The following SH2D4B variants were observed in gnomAD, a reference collection of about 807,000 sequenced individuals.
The protein encoded by SH2D4B is SH2 domain-containing protein 4B.
In SH2D4B, 45 loss-of-function variants were observed where a neutral mutation model predicts 61.5. That is an observed-to-expected ratio of 0.73 (90% CI 0.58 to 0.94). The LOEUF (loss-of-function observed/expected upper bound fraction) is 0.94. Among genes scored for constraint, SH2D4B ranks in the 40% least tolerant of loss-of-function variants. SH2D4B has a pLI of 0.00. For missense variants in SH2D4B, 572 were observed against 574.2 expected (o/e 1.00, Z 0.04); for synonymous variants, 224 against 220.4 (o/e 1.02, Z -0.14).
At chr10:80,572,963 TATATATATATATATATATATA>T (rs1842070909) in intron 3 of SH2D4B, among the ~76,000 whole-genome samples, 1 of 9,476 alleles carries the variant, frequency 1.1e-4, no homozygotes, top group Non-Finnish European at 2.1e-4. Flanking sequence ...TATATATATA[TATATATATATATATATATATA>T]TATTTTTTTT....
At chr10:80,585,542 T>C (rs1297317388) in intron 3 of SH2D4B, among the ~76,000 whole-genome samples, 2 of 152,196 alleles carry the variant, frequency 1.3e-5, no homozygotes, top group Non-Finnish European at 2.9e-5. Flanking sequence ...CTCAAACTCC[T>C]GACCTCAGGT....
chr10:80,562,694 C>A lies in SH2D4B; in HGVS notation c.185-7460C>A, dbSNP rs569528564. Among the ~76,000 whole-genome samples the A allele has an allele frequency of 1.7e-4, 26 of 152,084 alleles. No homozygotes were observed. The East Asian group carries it at 4.5e-3, about 26-fold the overall frequency. On this transcript the variant is annotated intron_variant, in intron 1 of 7. Coordinates refer to ENST00000646907, the MANE Select transcript of SH2D4B (RefSeq NM_001388272.1). Reference sequence around the variant, plus strand: ...TTCAATTTGTAATTTTTTTCAGGAACCTTCATACTATTTTCCGCAATAGCT... The same window carrying A: ...TTCAATTTGTAATTTTTTTCAGGAAACTTCATACTATTTTCCGCAATAGCT...
intron 1 of SH2D4B, among the ~76,000 whole-genome samples, chr10:80,559,038 C>T (rs530531349): frequency 6.6e-6 from 1 of 152,070 alleles, no homozygotes; most frequent in Admixed American, 6.5e-5. Flanking sequence ...ATTGTCTTTT[C>T]ATTTCTAATG....
chr10:80,577,988 C>T (rs1228779850), intron 3 of SH2D4B, among the ~76,000 whole-genome samples: 9 of 145,004 alleles, frequency 6.2e-5, no homozygotes, highest in African/African-American at 1.3e-4. Flanking sequence ...TTTTTTTTTT[C>T]GAGACAGGGT....
chr10:80,640,120 C>T (rs1840263757), intron 7 of SH2D4B, among the ~76,000 whole-genome samples: 1 of 152,212 alleles, frequency 6.6e-6, no homozygotes, highest in African/African-American at 2.4e-5. Context: ...TTGGCCCCCA[C>T]TCTCTTCTGG....
In SH2D4B at chr10:80,645,428, G is replaced by A. The variant is rs975974820; in HGVS notation, c.*1343G>A. Reference sequence around the variant, plus strand: ...ACATGCCCCATCTCCCATTGCTGCAGAGGCATAAGACAGAAGAGATGGGAA... The same window carrying A: ...ACATGCCCCATCTCCCATTGCTGCAAAGGCATAAGACAGAAGAGATGGGAA... On this transcript the variant is annotated 3_prime_UTR_variant, in exon 8 of 8. Transcript: ENST00000646907. 1.3e-5 allele frequency: 2 copies of A among 152,224 alleles called. No individual in the cohort carries two copies. Among genetic ancestry groups the A allele is most frequent in the Non-Finnish European group, 2.9e-5 (2 of 68,062 alleles). 9.4% of individuals were successfully genotyped at this position (152,224 alleles called of 1,614,324 possible).
intron 1 of SH2D4B, among the ~76,000 whole-genome samples, chr10:80,551,230 A>G (rs1309456550): frequency 1.3e-5 from 2 of 151,920 alleles, no homozygotes; most frequent in African/African-American, 2.4e-5. Flanking sequence ...TATTTTTTGT[A>G]TTTTTAGTAG....
chr10:80,549,894 T>G (rs1841735177), intron 1 of SH2D4B, among the ~76,000 whole-genome samples: 6 of 152,212 alleles, frequency 3.9e-5, no homozygotes. Flanking sequence ...TGATGGCACT[T>G]GGTACCTGGC....
At position 80,634,406 on chromosome 10, in the gene SH2D4B, CA is replaced by C. The variant is rs1313306368; in HGVS notation, c.1113del (p.Lys371AsnfsTer138). On this transcript the variant is annotated frameshift_variant, in exon 7 of 8. Transcript: ENST00000646907. LOFTEE classifies it high-confidence loss of function. ...TLSYRLQKGF[K>X]HFLVDASGDF... Reference sequence around the variant, plus strand: ...TCTCCTACCGCCTGCAGAAAGGGTTCAAACACTTTCTTGTGGATGCTTCTGG... The same window carrying C: ...TCTCCTACCGCCTGCAGAAAGGGTTCAACACTTTCTTGTGGATGCTTCTGG... 7 of 1,550,462 alleles carry C rather than the reference CA, an allele frequency of 4.5e-6. No homozygotes were observed. In the Admixed American group the frequency reaches 9.8e-5, roughly 22 times the overall value.
chr10:80,568,553 T>C (rs1192405206), intron 1 of SH2D4B, among the ~76,000 whole-genome samples: 1 of 152,186 alleles, frequency 6.6e-6, no homozygotes, highest in African/African-American at 2.4e-5. Context: ...CACATCCTCA[T>C]GGTCACCATA....
chr10:80,584,065 A>T (rs1409719769), intron 3 of SH2D4B, among the ~76,000 whole-genome samples: 1 of 152,242 alleles, frequency 6.6e-6, no homozygotes, highest in Non-Finnish European at 1.5e-5. Flanking sequence ...CAGGAAAATG[A>T]TTTTTAATCA....
chr10:80,576,224 T>C (rs766715221), intron 3 of SH2D4B, among the ~76,000 whole-genome samples: 10 of 152,220 alleles, frequency 6.6e-5, no homozygotes, highest in Non-Finnish European at 1.3e-4. Flanking sequence ...CTGGGGCTCA[T>C]GAAGGATCAC....
chr10:80,600,839 T>C lies in SH2D4B; in HGVS notation c.644-2740T>C, dbSNP rs557968047. Among the ~76,000 whole-genome samples the C allele has an allele frequency of 4.6e-5, 7 of 152,328 alleles. No individual in the cohort carries two copies. The East Asian group carries it at 1.3e-3, about 29-fold the overall frequency. ...CTGCCTGCCTGTCTGTCACTGAATGTCACTGTCTCTCAGGGGCTGTAATCT... is the reference window on the plus strand; with the variant it reads ...CTGCCTGCCTGTCTGTCACTGAATGCCACTGTCTCTCAGGGGCTGTAATCT... On this transcript the variant is annotated intron_variant, in intron 4 of 7. Transcript: ENST00000646907.
chr10:80,633,325 A>G (rs1348630326), intron 6 of SH2D4B, among the ~76,000 whole-genome samples: 2 of 152,202 alleles, frequency 1.3e-5, no homozygotes, highest in Admixed American at 6.5e-5. Context: ...AGGATCCAGC[A>G]TCTCCACAGC....
chr10:80,559,362 G>A (rs1362401668), intron 1 of SH2D4B, among the ~76,000 whole-genome samples: 1 of 151,992 alleles, frequency 6.6e-6, no homozygotes, highest in Non-Finnish European at 1.5e-5. Context: ...AAATACCCAT[G>A]GGCCCACAGT....
intron 1 of SH2D4B, among the ~76,000 whole-genome samples, chr10:80,541,697 G>A (rs920084247): frequency 5.3e-5 from 8 of 152,228 alleles, no homozygotes; most frequent in Admixed American, 2.6e-4. Flanking sequence ...AGGACAAGGT[G>A]TGCCTTGTGC....
chr10:80,586,129 C>T (rs1293258400), intron 3 of SH2D4B, among the ~76,000 whole-genome samples: 2 of 152,176 alleles, frequency 1.3e-5, no homozygotes, highest in Admixed American at 6.5e-5. Context: ...GGGCTCGGGA[C>T]CTGCAGCTTG....
intron 1 of SH2D4B, among the ~76,000 whole-genome samples, chr10:80,559,986 T>C (rs1428248800): frequency 9.4e-6 from 1 of 106,388 alleles, no homozygotes; most frequent in African/African-American, 5.3e-5. Flanking sequence ...AAAATACACC[T>C]TTTTTTTTTT....
chr10:80,573,676 A>G (rs1287918010), intron 3 of SH2D4B, among the ~76,000 whole-genome samples: 1 of 151,736 alleles, frequency 6.6e-6, no homozygotes, highest in Non-Finnish European at 1.5e-5. Context: ...TTCTTCTTTG[A>G]TTTATTATTC....
Sources: allele counts gnomAD v4.1 joint callset (sites outside exome capture counted in the v4.1 genomes callset), GRCh38; gene constraint gnomAD v4.1.1; transcripts MANE v1.5; gene names NCBI Gene and HGNC (gene_info 2026-07-23, HGNC 2026-07-21).